Variants in NLRP14 observed in about 807,000 individuals in gnomAD.
The protein encoded by NLRP14 is NACHT, LRR and PYD domains-containing protein 14.
In NLRP14, 105 loss-of-function variants were observed where a neutral mutation model predicts 94.7. That is an observed-to-expected ratio of 1.11 (90% CI 0.95 to 1.30). The LOEUF is 1.30. Ranked by LOEUF, NLRP14 falls within the 50% of genes most tolerant of loss-of-function variation. NLRP14 has a pLI of 0.00. For missense variants in NLRP14, 1,362 were observed against 1,254.1 expected (o/e 1.09, Z -1.30); for synonymous variants, 508 against 459.9 (o/e 1.10, Z -1.34).
rs1307353064 is a variant in NLRP14 at position 7,020,728 on chromosome 11, C to T, written c.-64C>T. The T allele has an allele frequency of 6.6e-6, 1 of 152,294 alleles. No individual in the cohort carries two copies. Among genetic ancestry groups the T allele is most frequent in the Non-Finnish European group, 1.5e-5 (1 of 68,090 alleles). The allele number at this position is 152,294 out of a possible 1,614,324, so 9.4% of individuals were successfully genotyped here. ...GTCCCGCGCCTTGGCGGAATGGGCA[C>T]CTCACTAGCCCTGGCACTAGCTAGC... On this transcript the variant is annotated 5_prime_UTR_variant, in exon 1 of 12. Coordinates refer to ENST00000299481, the MANE Select transcript of NLRP14 (RefSeq NM_176822.4).
At position 7,038,555 on chromosome 11, in the gene NLRP14, T is replaced by TC. The variant is rs533388814; in HGVS notation, c.-21-5dup. ...TCCATGTGCTTTTGGTTATTTTTTT[T>TC]CCCCCCACAGAGGCCTGAATATTTG... On this transcript the variant is annotated splice_polypyrimidine_tract_variant and intron_variant, in intron 1 of 11. Transcript: ENST00000299481. 113 of 1,606,110 alleles carry TC rather than the reference T, an allele frequency of 7.0e-5. 2 individuals are homozygous for TC. The East Asian group carries it at 2.4e-3, about 34-fold the overall frequency.
At chr11:7,035,641 A>T (rs1021428700) in intron 1 of NLRP14, among the ~76,000 whole-genome samples, 1 of 152,182 alleles carries the variant, frequency 6.6e-6, no homozygotes, top group African/African-American at 2.4e-5. Context: ...GGACTATATG[A>T]AAAGGGTGGA....
intron 6 of NLRP14, among the ~76,000 whole-genome samples, chr11:7,050,247 T>A (rs1043443930): frequency 6.6e-6 from 1 of 152,194 alleles, no homozygotes; most frequent in African/African-American, 2.4e-5. Flanking sequence ...TCACTATTAT[T>A]TGATTTTTGT....
chr11:7,089,148 C>A, the NLRP14 span: 1 of 1,614,026 alleles, frequency 6.2e-7, no homozygotes, highest in Non-Finnish European at 8.5e-7. Context: ...CCCGGGGAAG[C>A]TGTTCATTGG....
At chr11:7,050,135 A>G (rs1434284603) in intron 6 of NLRP14, among the ~76,000 whole-genome samples, 2 of 152,212 alleles carry the variant, frequency 1.3e-5, no homozygotes, top group African/African-American at 4.8e-5. Flanking sequence ...CACTTCTAAT[A>G]TTTAAGTGCT....
intron 6 of NLRP14, among the ~76,000 whole-genome samples, chr11:7,053,734 CATA>C (rs71056779): frequency 0.18 from 26,577 of 151,750 alleles, 2,894 homozygotes; most frequent in Non-Finnish European, 0.25. Flanking sequence ...GCATGCAATG[CATA>C]ATAATCACAT....
At chr11:7,023,493 AAT>A (rs1851972794) in intron 1 of NLRP14, among the ~76,000 whole-genome samples, 1 of 142,920 alleles carries the variant, frequency 7.0e-6, no homozygotes, top group Non-Finnish European at 1.5e-5. Context: ...TATAAGTATA[AAT>A]ATATAAAAAT....
At chr11:7,046,007 C>T (rs958638112) in intron 4 of NLRP14, among the ~76,000 whole-genome samples, 1 of 152,122 alleles carries the variant, frequency 6.6e-6, no homozygotes. Flanking sequence ...AGCTTATAAA[C>T]ACCAGGTTGT....
At position 7,038,711 on chromosome 11, in the gene NLRP14, A is replaced by G. The variant is rs576176102; in HGVS notation, c.125A>G (p.His42Arg). Residue 42 changes from histidine (H) to arginine (R), a missense_variant, in exon 2 of 12, where the codon CAT becomes CGT. By Grantham distance (29) the His-to-Arg change is conservative (BLOSUM62 0). Coordinates refer to ENST00000299481, the MANE Select transcript of NLRP14 (RefSeq NM_176822.4). Reference protein sequence around the residue: ...LFLKETMEPEHGLTPWNEVKK... With the variant: ...LFLKETMEPERGLTPWNEVKK... ...CTAAAGGAGACCATGGAACCTGAGC[A>G]TGGCCTGACACCCTGGAATGAAGTG... 3 of 1,614,170 alleles carry G rather than the reference A, an allele frequency of 1.9e-6. No individual in the cohort carries two copies. The highest frequency in any genetic ancestry group is 1.3e-5 in the African/African-American group (1 of 75,054).
chr11:7,075,296 T>A (rs1328715154), downstream of NLRP14, among the ~76,000 whole-genome samples: 1 of 152,226 alleles, frequency 6.6e-6, no homozygotes, highest in Non-Finnish European at 1.5e-5. Context: ...TGCAAAGACC[T>A]AGTATTAAAA....
chr11:7,029,508 G>C (rs1852061811), intron 1 of NLRP14, among the ~76,000 whole-genome samples: 1 of 152,182 alleles, frequency 6.6e-6, no homozygotes, highest in Non-Finnish European at 1.5e-5. Context: ...AGAAGATACA[G>C]TGTTCAATAT....
chr11:7,059,351 C>A (rs1369388565), intron 8 of NLRP14, among the ~76,000 whole-genome samples: 1 of 151,672 alleles, frequency 6.6e-6, no homozygotes, highest in Non-Finnish European at 1.5e-5. Flanking sequence ...AAGTACCTTT[C>A]TTTTAAAAAA....
intron 2 of NLRP14, 123 bp downstream of exon 2, chr11:7,038,998 G>C: frequency 1.7e-5 from 15 of 876,004 alleles, no homozygotes; most frequent in Non-Finnish European, 2.5e-5. Flanking sequence ...AAGCTCCATG[G>C]TGGTCTTGTG....
chr11:7,079,698 C>A, the NLRP14 span, among the ~76,000 whole-genome samples: 1 of 152,192 alleles, frequency 6.6e-6, no homozygotes. Flanking sequence ...GGTCTCTCAG[C>A]AAGGCAAATT....
chr11:7,082,180 T>C, the NLRP14 span, among the ~76,000 whole-genome samples: 2 of 152,220 alleles, frequency 1.3e-5, no homozygotes, highest in African/African-American at 4.8e-5. Context: ...ATGAATTCTT[T>C]ATAGCAAAAG....
chr11:7,046,621 GAAATA>G, intron 4 of NLRP14, 42 bp from the exon 5 acceptor site: 1 of 1,566,270 alleles, frequency 6.4e-7, no homozygotes. Context: ...TGGCTAGGCT[GAAATA>G]AAATCAGCAT....
intron 1 of NLRP14, among the ~76,000 whole-genome samples, chr11:7,026,568 C>G (rs912692757): frequency 2.6e-5 from 4 of 151,488 alleles, no homozygotes; most frequent in African/African-American, 9.6e-5. Context: ...GGACTGAAAA[C>G]TAGTTCAACC....
At chr11:7,042,242 A>T (rs1309722233) in intron 3 of NLRP14, 146 bp from the exon 4 acceptor site, 1 of 595,956 alleles carries the variant, frequency 1.7e-6, no homozygotes, top group Non-Finnish European at 2.9e-6. Context: ...TATTATTTTT[A>T]AAAAATCAAA....
intron 1 of NLRP14, among the ~76,000 whole-genome samples, chr11:7,037,750 T>TA (rs1050171212): frequency 1.3e-4 from 20 of 152,210 alleles, no homozygotes; most frequent in African/African-American, 4.8e-4. Context: ...AAGATATTAG[T>TA]AAAAAATGGG....
Sources: gnomAD v4.1 joint callset for allele counts (sites outside exome capture counted in the v4.1 genomes callset) on GRCh38, gnomAD v4.1.1 for gene constraint, MANE v1.5 for transcripts, NCBI Gene and HGNC (gene_info 2026-07-23, HGNC 2026-07-21) for gene names.